The following NDFIP2 variants were observed in gnomAD, a reference collection of about 807,000 sequenced individuals.
NDFIP2 encodes the protein NEDD4 family-interacting protein 2.
A neutral mutation model predicts 36.0 loss-of-function variants in NDFIP2; 19 were observed. The observed-to-expected ratio is 0.53, with a 90% CI of 0.37 to 0.77. NDFIP2 has a LOEUF of 0.77. NDFIP2 is among the 30% of genes least tolerant of loss of function. NDFIP2 has a pLI of 0.00. For synonymous variants in NDFIP2, 181 were observed against 167.7 expected (o/e 1.08, Z -0.61); for missense variants, 446 against 435.8 (o/e 1.02, Z -0.21).
At chr13:79,529,273 G>A (rs535106524) in intron 2 of NDFIP2, among the ~76,000 whole-genome samples, 2 of 152,224 alleles carry the variant, frequency 1.3e-5, no homozygotes, top group African/African-American at 4.8e-5. Flanking sequence ...AAATTTAAAA[G>A]TGAAAATTAA....
chr13:79,489,477 G>A (rs950543243), intron 1 of NDFIP2, among the ~76,000 whole-genome samples: 2 of 152,176 alleles, frequency 1.3e-5, no homozygotes, highest in African/African-American at 2.4e-5. Flanking sequence ...GAGAAGAAAT[G>A]AATTCCATCT....
chr13:79,550,109 T>A (rs1050098542), intron 6 of NDFIP2, among the ~76,000 whole-genome samples: 1 of 151,824 alleles, frequency 6.6e-6, no homozygotes, highest in Non-Finnish European at 1.5e-5. Flanking sequence ...TTTTTGTTTT[T>A]GGATCCCCCC....
At chr13:79,509,040 T>C (rs1009180629) in intron 1 of NDFIP2, among the ~76,000 whole-genome samples, 3 of 152,214 alleles carry the variant, frequency 2.0e-5, no homozygotes, top group Non-Finnish European at 4.4e-5. Context: ...TAGCATTTTT[T>C]TTTAATTTAA....
rs1241888925 is a variant in NDFIP2, at chr13:79,503,767, G to A, written c.322-17043G>A. Among the ~76,000 whole-genome samples, 6 of 152,232 alleles carry A rather than the reference G, an allele frequency of 3.9e-5. No homozygotes were observed. In the East Asian group the frequency reaches 5.8e-4, roughly 15 times the overall value. ...AGGTTGAGGGGATGATATTGTGGGT[G>A]GAGAGCTGGCTTATAAATCTTACTC... On this transcript the variant is annotated intron_variant, in intron 1 of 7. Coordinates refer to ENST00000218652, the MANE Select transcript of NDFIP2 (RefSeq NM_019080.3).
intron 5 of NDFIP2, among the ~76,000 whole-genome samples, chr13:79,544,534 G>A (rs181500907): frequency 4.0e-5 from 6 of 150,994 alleles, no homozygotes; most frequent in South Asian, 2.1e-4. Context: ...GAATGATCAA[G>A]AGTGCTTTAC....
chr13:79,485,700 G>A (rs1376100916), intron 1 of NDFIP2, among the ~76,000 whole-genome samples: 1 of 152,114 alleles, frequency 6.6e-6, no homozygotes, highest in African/African-American at 2.4e-5. Flanking sequence ...CATGTTGCTT[G>A]ATTTCTCTGT....
intron 2 of NDFIP2, among the ~76,000 whole-genome samples, chr13:79,531,171 T>C (rs1307349264): frequency 6.6e-6 from 1 of 152,206 alleles, no homozygotes; most frequent in Non-Finnish European, 1.5e-5. Context: ...CCAGGTGCAT[T>C]GTCAGTGAGC....
At position 79,530,175 on chromosome 13, in the gene NDFIP2, A is replaced by G. The variant is rs1452060660; in HGVS notation, c.488-3148A>G. ...TCTTTTCTTTTTTTTTAGAGACAGAATTCAGTGGCGCTTTCATAGCTCACT... is the reference window on the plus strand; with the variant it reads ...TCTTTTCTTTTTTTTTAGAGACAGAGTTCAGTGGCGCTTTCATAGCTCACT... On this transcript the variant is annotated intron_variant, in intron 2 of 7. Coordinates refer to ENST00000218652, the MANE Select transcript of NDFIP2 (RefSeq NM_019080.3). Among the ~76,000 whole-genome samples, 4 of 152,204 alleles carry G rather than the reference A, an allele frequency of 2.6e-5. No individual in the cohort carries two copies. In the South Asian group the frequency reaches 8.3e-4, roughly 32 times the overall value.
At chr13:79,503,657 T>C (rs1032625301) in intron 1 of NDFIP2, among the ~76,000 whole-genome samples, 1 of 152,196 alleles carries the variant, frequency 6.6e-6, no homozygotes, top group Non-Finnish European at 1.5e-5. Flanking sequence ...ACTGGACCAC[T>C]CAACTGTAGA....
At chr13:79,506,211 A>G (rs1201521117) in intron 1 of NDFIP2, among the ~76,000 whole-genome samples, 1 of 152,152 alleles carries the variant, frequency 6.6e-6, no homozygotes, top group Non-Finnish European at 1.5e-5. Context: ...AAAAAAGAAA[A>G]TACAACTTGT....
At chr13:79,491,244 A>G (rs1169316406) in intron 1 of NDFIP2, among the ~76,000 whole-genome samples, 1 of 152,196 alleles carries the variant, frequency 6.6e-6, no homozygotes, top group Non-Finnish European at 1.5e-5. Flanking sequence ...AGATGAATGA[A>G]TGGTGCTAGT....
intron 2 of NDFIP2, among the ~76,000 whole-genome samples, chr13:79,531,068 C>T (rs1874996823): frequency 6.6e-6 from 1 of 152,136 alleles, no homozygotes; most frequent in Non-Finnish European, 1.5e-5. Flanking sequence ...CAGAATGACC[C>T]CTTGATCCAT....
chr13:79,553,512 A>G lies in NDFIP2; in HGVS notation c.*999A>G, dbSNP rs1304261618. On this transcript the variant is annotated 3_prime_UTR_variant, in exon 8 of 8. Coordinates refer to ENST00000218652, the MANE Select transcript of NDFIP2 (RefSeq NM_019080.3). ...GTGTTTGTCTTTTAAAAGGCCAATA[A>G]AATATCTTTCAGTATCATTGTAATA... 2 of 151,534 alleles carry G rather than the reference A, an allele frequency of 1.3e-5. No homozygotes were observed. Among genetic ancestry groups the G allele is most frequent in the Non-Finnish European group, 1.5e-5 (1 of 67,514 alleles). The allele number at this position is 151,534 out of a possible 1,614,324, so 9.4% of individuals were successfully genotyped here. A position where few individuals can be genotyped will look rare whatever the true frequency, so the allele number is the denominator to read the frequency against.
intron 1 of NDFIP2, among the ~76,000 whole-genome samples, chr13:79,496,615 T>C (rs1300368015): frequency 6.6e-6 from 1 of 151,930 alleles, no homozygotes; most frequent in African/African-American, 2.4e-5. Context: ...CCATTATTTC[T>C]TCAAATGTTT....
intron 1 of NDFIP2, among the ~76,000 whole-genome samples, chr13:79,517,952 G>A (rs184827768): frequency 1.3e-5 from 2 of 152,258 alleles, no homozygotes; most frequent in East Asian, 3.9e-4. Context: ...TTTAATAAGA[G>A]ATGTGGAAAA....
intron 2 of NDFIP2, among the ~76,000 whole-genome samples, chr13:79,530,799 C>T (rs1874985338): frequency 6.6e-6 from 1 of 152,166 alleles, no homozygotes; most frequent in South Asian, 2.1e-4. Flanking sequence ...TGCTGTTTCT[C>T]CCACGTCTGC....
In NDFIP2 at chr13:79,527,694, A is replaced by G. The variant is rs115246435; in HGVS notation, c.488-5629A>G. Reference sequence around the variant, plus strand: ...ATAATACTTGATAATGGTAATGACTATATTACTGATTTGTATATTTATTAA... The same window carrying G: ...ATAATACTTGATAATGGTAATGACTGTATTACTGATTTGTATATTTATTAA... On this transcript the variant is annotated intron_variant, in intron 2 of 7. Coordinates refer to ENST00000218652, the MANE Select transcript of NDFIP2 (RefSeq NM_019080.3). Among the ~76,000 whole-genome samples, 290 of 152,340 alleles carry G rather than the reference A, an allele frequency of 1.9e-3. 3 individuals carry two copies. Among genetic ancestry groups the G allele is most frequent in the African/African-American group, 6.8e-3 (281 of 41,582 alleles).
At chr13:79,482,995 C>T (rs2079824310) in intron 1 of NDFIP2, among the ~76,000 whole-genome samples, 1 of 152,116 alleles carries the variant, frequency 6.6e-6, no homozygotes, top group African/African-American at 2.4e-5. Flanking sequence ...TTTCATTTTT[C>T]CTACAGACGT....
At chr13:79,483,744 A>C (rs7983730) in intron 1 of NDFIP2, among the ~76,000 whole-genome samples, 1,760 of 152,330 alleles carry the variant, frequency 0.012, 36 homozygotes, top group African/African-American at 0.041. Context: ...TTTATCTAGA[A>C]ACTGCTTTTT....
Sources: allele counts gnomAD v4.1 joint callset (sites outside exome capture counted in the v4.1 genomes callset), GRCh38; gene constraint gnomAD v4.1.1; transcripts MANE v1.5; gene names NCBI Gene and HGNC (gene_info 2026-07-23, HGNC 2026-07-21).